SMARCA1: variants seen among roughly 807,000 people sequenced by gnomAD.
SMARCA1 encodes SWI/SNF-related matrix-associated actin-dependent regulator of chromatin subfamily A member 1.
In SMARCA1, 17 loss-of-function variants were observed where a neutral mutation model predicts 93.6. The observed-to-expected ratio is 0.18, with a 90% CI of 0.12 to 0.27. SMARCA1 has a LOEUF of 0.27. SMARCA1 is among the 10% of genes least tolerant of loss of function. The probability of loss-of-function intolerance (pLI) is 1.00; values close to 1 mark genes in which losing one functional copy is unlikely to be tolerated. For synonymous variants in SMARCA1, 271 were observed against 271.4 expected, an observed-to-expected ratio of 1.00 and a Z score of 0.01; for missense variants, 630 against 819.0, an observed-to-expected ratio of 0.77 and a Z score of 2.82.
intron 12 of SMARCA1, among the ~76,000 whole-genome samples, chrX:129,496,360 C>A (rs2064359160): frequency 9.2e-6 from 1 of 108,995 alleles, no homozygotes; most frequent in African/African-American, 3.4e-5. Flanking sequence ...GGCAAAATCT[C>A]AACCATTAAA....
intron 7 of SMARCA1, 23 bp from the exon 8 acceptor site, chrX:129,506,234 G>A: frequency 9.1e-7 from 1 of 1,096,869 alleles, no homozygotes; most frequent in African/African-American, 1.8e-5. Flanking sequence ...ACTCATATGA[G>A]GATTATTTTA....
At chrX:129,450,551 T>G (rs1050545189) in intron 23 of SMARCA1, among the ~76,000 whole-genome samples, 1 of 111,987 alleles carries the variant, frequency 8.9e-6, no homozygotes, top group Non-Finnish European at 1.9e-5. Flanking sequence ...TTTCCAGAAA[T>G]GTATTGTAAG....
chrX:129,511,427 A>G (rs978331917), intron 6 of SMARCA1, among the ~76,000 whole-genome samples: 1 of 112,222 alleles, frequency 8.9e-6, no homozygotes, highest in Non-Finnish European at 1.9e-5. Context: ...ATGCAAATTT[A>G]TATATTGTTG....
intron 23 of SMARCA1, among the ~76,000 whole-genome samples, chrX:129,458,427 A>G (rs1276085198): frequency 8.9e-6 from 1 of 111,985 alleles, no homozygotes; most frequent in African/African-American, 3.2e-5. Flanking sequence ...GATTCTATTC[A>G]ATGCAAAGTC....
intron 6 of SMARCA1, among the ~76,000 whole-genome samples, chrX:129,509,827 C>T (rs367968240): frequency 2.8e-4 from 31 of 111,799 alleles, no homozygotes; most frequent in African/African-American, 9.4e-4. Context: ...AGGAAGGGGC[C>T]ACAAAGCACA....
chrX:129,458,614 G>T (rs775047143), intron 23 of SMARCA1, among the ~76,000 whole-genome samples: 1 of 112,288 alleles, frequency 8.9e-6, no homozygotes, highest in East Asian at 2.8e-4. Flanking sequence ...TCAAAAGGCA[G>T]AGAAAGCATC....
At chrX:129,468,750 C>G (rs1181900369) in intron 21 of SMARCA1, 23 bp downstream of exon 21, 9 of 1,102,430 alleles carry the variant, frequency 8.2e-6, no homozygotes, top group African/African-American at 7.4e-5. Context: ...AATACAACAC[C>G]ATGTTTCAAA....
At chrX:129,468,510 T>C (rs574111045) in intron 21 of SMARCA1, among the ~76,000 whole-genome samples, 4 of 112,231 alleles carry the variant, frequency 3.6e-5, no homozygotes, top group African/African-American at 1.3e-4. Flanking sequence ...TTGTCAATGC[T>C]TATCCAAGAG....
chrX:129,519,856 C>A (rs1935326398), intron 1 of SMARCA1, among the ~76,000 whole-genome samples: 1 of 111,772 alleles, frequency 8.9e-6, no homozygotes, highest in African/African-American at 3.2e-5. Flanking sequence ...ATATGAAGTG[C>A]AGTTTTCCAG....
chrX:129,451,079 C>G (rs1602637524), intron 23 of SMARCA1, among the ~76,000 whole-genome samples: 2 of 111,922 alleles, frequency 1.8e-5, no homozygotes, highest in Admixed American at 1.9e-4. Context: ...TCTAATGTAA[C>G]ACTGGCATGT....
At chrX:129,494,806 G>A (rs1339005345) in intron 12 of SMARCA1, among the ~76,000 whole-genome samples, 1 of 112,307 alleles carries the variant, frequency 8.9e-6, no homozygotes, top group Non-Finnish European at 1.9e-5. Context: ...TAAATGGCTT[G>A]CACACGCTGC....
chrX:129,501,075 C>T (rs767596545), intron 9 of SMARCA1, among the ~76,000 whole-genome samples: 3 of 111,617 alleles, frequency 2.7e-5, no homozygotes, highest in East Asian at 2.8e-4. Context: ...TTAATCCTTA[C>T]GATAAATCTG....
chrX:129,500,302 G>C (rs2124301328), intron 9 of SMARCA1, among the ~76,000 whole-genome samples: 1 of 111,840 alleles, frequency 8.9e-6, no homozygotes, highest in Non-Finnish European at 1.9e-5. Flanking sequence ...TGAGTAGCTG[G>C]AATTACAGGC....
intron 19 of SMARCA1, among the ~76,000 whole-genome samples, chrX:129,474,172 G>A (rs1442942377): frequency 9.0e-6 from 1 of 111,637 alleles, no homozygotes; most frequent in Non-Finnish European, 1.9e-5. Context: ...GGTGTTCACT[G>A]TACAATTATT....
intron 23 of SMARCA1, among the ~76,000 whole-genome samples, chrX:129,459,413 G>A (rs1265534076): frequency 4.5e-5 from 5 of 111,394 alleles, no homozygotes; most frequent in Admixed American, 1.9e-4. Context: ...GCAAGACTCC[G>A]TCTCAAAAAA....
At chrX:129,504,180 A>G (rs1457907596) in intron 9 of SMARCA1, among the ~76,000 whole-genome samples, 1 of 111,635 alleles carries the variant, frequency 9.0e-6, no homozygotes, top group Non-Finnish European at 1.9e-5. Flanking sequence ...CGGGAGGCTG[A>G]GGCAGGAGGA....
chrX:129,516,571 T>G, intron 2 of SMARCA1, 74 bp from the exon 3 acceptor site: 1 of 856,370 alleles, frequency 1.2e-6, no homozygotes, highest in Non-Finnish European at 1.7e-6. Flanking sequence ...AATACTTACT[T>G]TGAACAACAT....
At chrX:129,464,874 T>C (rs1157380370) in intron 23 of SMARCA1, among the ~76,000 whole-genome samples, 1 of 111,977 alleles carries the variant, frequency 8.9e-6, no homozygotes, top group Non-Finnish European at 1.9e-5. Context: ...GCCAAATACG[T>C]TGAACCTGAA....
chrX:129,506,015 A>G (rs1934796541), intron 8 of SMARCA1, 65 bp downstream of exon 8: 2 of 843,643 alleles, frequency 2.4e-6, no homozygotes, highest in African/African-American at 2.0e-5. Flanking sequence ...TCAATCTATA[A>G]TGTTTTAAAA....
Sources: allele counts gnomAD v4.1 joint callset (sites outside exome capture counted in the v4.1 genomes callset), GRCh38; gene constraint gnomAD v4.1.1; transcripts MANE v1.5; gene names NCBI Gene and HGNC (gene_info 2026-07-23, HGNC 2026-07-21).